Variants in PPFIA2 observed in about 807,000 individuals in gnomAD.
PPFIA2 encodes the protein liprin-alpha-2.
Under a neutral mutation model 175.5 loss-of-function variants are expected in PPFIA2, and 46 were observed. The observed-to-expected ratio is 0.26, with a 90% CI of 0.21 to 0.34. The LOEUF is 0.34. PPFIA2 is among the 10% of genes least tolerant of loss of function. PPFIA2 has a pLI of 1.00. For missense variants in PPFIA2, 1,179 were observed against 1,506.1 expected, an observed-to-expected ratio of 0.78 and a Z score of 3.60; for synonymous variants, 568 against 511.4, an observed-to-expected ratio of 1.11 and a Z score of -1.49.
chr12:81,362,871 G>A, intron 14 of PPFIA2, 87 bp from the exon 15 acceptor site: 8 of 767,744 alleles, frequency 1.0e-5, no homozygotes, highest in South Asian at 2.1e-5. Context: ...TTTTTAAAAA[G>A]GAAAAACTGA....
chr12:81,471,930 G>A (rs770981249), intron 4 of PPFIA2, among the ~76,000 whole-genome samples: 6 of 152,136 alleles, frequency 3.9e-5, no homozygotes, highest in Admixed American at 1.3e-4. Context: ...TGTAACATGA[G>A]TATATACATA....
chr12:81,449,948 G>A (rs965199615), intron 5 of PPFIA2, among the ~76,000 whole-genome samples: 1 of 151,914 alleles, frequency 6.6e-6, no homozygotes, highest in Non-Finnish European at 1.5e-5. Flanking sequence ...CTTCATCCAT[G>A]TCCCTACAAA....
chr12:81,498,103 T>C (rs2060219478), intron 4 of PPFIA2, among the ~76,000 whole-genome samples: 1 of 152,186 alleles, frequency 6.6e-6, no homozygotes, highest in African/African-American at 2.4e-5. Flanking sequence ...CTGTAGTCTG[T>C]CACAGATTTT....
At chr12:81,752,712 C>G (rs1298188632) in intron 3 of PPFIA2, among the ~76,000 whole-genome samples, 3 of 152,088 alleles carry the variant, frequency 2.0e-5, no homozygotes, top group Non-Finnish European at 4.4e-5. Context: ...AGAATTTTAT[C>G]AACTTTGAAT....
chr12:81,420,931 C>G (rs965952555), intron 7 of PPFIA2, among the ~76,000 whole-genome samples: 3 of 151,824 alleles, frequency 2.0e-5, no homozygotes, highest in African/African-American at 7.3e-5. Context: ...AAAAGCAACT[C>G]ATTATGTGAA....
rs533806962 is a variant in PPFIA2 at position 81,750,251 on chromosome 12, G to A, written c.249+3722C>T. Among the ~76,000 whole-genome samples, 15 of 143,728 alleles carry A rather than the reference G, an allele frequency of 1.0e-4. 1 individual carries two copies. Among genetic ancestry groups the A allele is most frequent in the East Asian group, 8.5e-4 (4 of 4,686 alleles). The allele number at this position is 143,728 out of a possible 152,430, so 94.3% of individuals were successfully genotyped here. A position where few individuals can be genotyped will look rare whatever the true frequency, so the allele number is the denominator to read the frequency against. ...TTGCTGGGACACACCAAACAGTGTC[G>A]TATTATTCAAGCATATAATGTGACA... On this transcript the variant is annotated intron_variant, in intron 3 of 32. Transcript: ENST00000549396.
At chr12:81,750,650 G>A (rs576598842) in intron 3 of PPFIA2, among the ~76,000 whole-genome samples, 1 of 152,040 alleles carries the variant, frequency 6.6e-6, no homozygotes, top group Non-Finnish European at 1.5e-5. Context: ...CTTTTTAAAC[G>A]CAGATATACC....
chr12:81,706,629 C>T (rs2077178601), intron 3 of PPFIA2, among the ~76,000 whole-genome samples: 1 of 152,230 alleles, frequency 6.6e-6, no homozygotes, highest in East Asian at 1.9e-4. Flanking sequence ...TGTGAGGTGT[C>T]AGTCTGCCCC....
At chr12:81,306,312 T>C (rs1166667918) in intron 22 of PPFIA2, among the ~76,000 whole-genome samples, 1 of 152,162 alleles carries the variant, frequency 6.6e-6, no homozygotes, top group Non-Finnish European at 1.5e-5. Flanking sequence ...TTGATTCCTT[T>C]GCCTGTCCTT....
At chr12:81,359,172 G>C (rs1196954634) in intron 15 of PPFIA2, among the ~76,000 whole-genome samples, 2 of 151,966 alleles carry the variant, frequency 1.3e-5, no homozygotes, top group Non-Finnish European at 2.9e-5. Context: ...TGAATTTGAG[G>C]CTCCTGCTGA....
intron 4 of PPFIA2, among the ~76,000 whole-genome samples, chr12:81,543,604 A>G (rs1165690999): frequency 6.6e-6 from 1 of 152,054 alleles, no homozygotes; most frequent in African/African-American, 2.4e-5. Context: ...ATAACTCCCT[A>G]CTCTTTAAAG....
intron 4 of PPFIA2, among the ~76,000 whole-genome samples, chr12:81,603,246 G>T (rs2059969239): frequency 6.6e-6 from 1 of 151,758 alleles, no homozygotes; most frequent in Non-Finnish European, 1.5e-5. Flanking sequence ...AATTAAGATA[G>T]TAAGACCCTA....
rs2084276222 is a variant in PPFIA2 at position 81,754,160 on chromosome 12, T to G, written c.62A>C (p.Gln21Pro). ...GGAGTCTGAGTCCGAGCCACTGCTTTGGGACCCCCTTTGGCTCATTGGGGT... is the reference window on the plus strand; with the variant it reads ...GGAGTCTGAGTCCGAGCCACTGCTTGGGGACCCCCTTTGGCTCATTGGGGT... Reference protein sequence around the residue: ...EDTPMSQRGSQSSGSDSDSHF... With the variant: ...EDTPMSQRGSPSSGSDSDSHF... The change falls in exon 3 of 33, where the codon CAA becomes CCA. Residue 21 changes from glutamine (Q) to proline (P), a missense_variant. Physicochemically the swap from Gln to Pro is moderately conservative, Grantham distance 76. This residue lies in a region of PPFIA2 where 128 missense variants were observed against 141.4 expected (regional missense o/e 0.91). Coordinates refer to ENST00000549396, the MANE Select transcript of PPFIA2 (RefSeq NM_003625.5). The G allele has an allele frequency of 6.2e-7, 1 of 1,612,712 alleles. No individual in the cohort carries two copies. Among genetic ancestry groups the G allele is most frequent in the Non-Finnish European group, 8.5e-7 (1 of 1,179,362 alleles).
At chr12:81,431,656 C>A (rs1164359526) in intron 7 of PPFIA2, among the ~76,000 whole-genome samples, 1 of 152,146 alleles carries the variant, frequency 6.6e-6, no homozygotes, top group African/African-American at 2.4e-5. Context: ...CTGACACTGT[C>A]CCCTTGATTC....
intron 22 of PPFIA2, among the ~76,000 whole-genome samples, chr12:81,310,581 T>G (rs2050515442): frequency 6.6e-6 from 1 of 152,084 alleles, no homozygotes; most frequent in Non-Finnish European, 1.5e-5. Flanking sequence ...TCTGAAAAAT[T>G]AAAAATCATT....
intron 4 of PPFIA2, among the ~76,000 whole-genome samples, chr12:81,586,818 A>G (rs1385936121): frequency 6.6e-6 from 1 of 151,918 alleles, no homozygotes; most frequent in Non-Finnish European, 1.5e-5. Flanking sequence ...ACTTAACATT[A>G]CATTTCTCTA....
chr12:81,457,187 T>G (rs1001047349), intron 5 of PPFIA2, among the ~76,000 whole-genome samples: 34 of 152,122 alleles, frequency 2.2e-4, no homozygotes, highest in Middle Eastern at 3.4e-3. Flanking sequence ...TTTCACCATG[T>G]TGGCCAGGGT....
At position 81,344,657 on chromosome 12, in the gene PPFIA2, A is replaced by T; in HGVS notation, c.2262+7T>A. On this transcript the variant is annotated splice_region_variant and intron_variant, in intron 19 of 32. Coordinates refer to ENST00000549396, the MANE Select transcript of PPFIA2 (RefSeq NM_003625.5). Reference sequence around the variant, plus strand: ...ATTCGTAATGATGTAAAAGTTATTTACTGTACCTTTCTCCGATGTTTCCTC... The same window carrying T: ...ATTCGTAATGATGTAAAAGTTATTTTCTGTACCTTTCTCCGATGTTTCCTC... The T allele has an allele frequency of 6.4e-7, 1 of 1,550,430 alleles. No homozygotes were observed. The highest frequency in any genetic ancestry group is 1.2e-5 in the South Asian group (1 of 83,684).
chr12:81,528,617 C>T (rs936302415), intron 4 of PPFIA2, among the ~76,000 whole-genome samples: 12 of 151,882 alleles, frequency 7.9e-5, no homozygotes, highest in Admixed American at 3.3e-4. Context: ...TTTAAGTTCA[C>T]GAATTTATAA....
Sources: gnomAD v4.1 joint callset for allele counts (sites outside exome capture counted in the v4.1 genomes callset) on GRCh38, gnomAD v4.1.1 for gene constraint, gnomAD v4.1.1 regional missense constraint, MANE v1.5 for transcripts, NCBI Gene and HGNC (gene_info 2026-07-23, HGNC 2026-07-21) for gene names.